Variants in C1orf198 observed in about 807,000 individuals in gnomAD.
The protein encoded by C1orf198 is uncharacterized protein C1orf198.
A neutral mutation model predicts 31.4 loss-of-function variants in C1orf198; 17 were observed. The ratio of observed to expected loss-of-function variants is 0.54; its 90% confidence interval spans 0.37 to 0.81. The LOEUF (loss-of-function observed/expected upper bound fraction) is 0.81. Ranked by LOEUF, C1orf198 falls within the 40% of genes least tolerant of loss-of-function variation. The probability of loss-of-function intolerance (pLI) is 0.00; values close to 1 mark genes in which losing one functional copy is unlikely to be tolerated. For missense variants in C1orf198, 401 were observed against 450.3 expected (o/e 0.89, Z 0.99); for synonymous variants, 175 against 193.8 (o/e 0.90, Z 0.81).
intron 2 of C1orf198, among the ~76,000 whole-genome samples, chr1:230,845,702 A>G (rs188412296): frequency 1.4e-4 from 22 of 152,314 alleles, no homozygotes; most frequent in Admixed American, 1.4e-3. Flanking sequence ...AAAGAAAAGA[A>G]AAGAACAAAG....
At position 230,868,409 on chromosome 1, in the gene C1orf198, G is replaced by C; in HGVS notation, c.104C>G (p.Ser35Trp). ...RERKRFTYFS[S>W]LSPMARKIMQ... Reference sequence around the variant, plus strand: ...GATCTTCCTGGCCATGGGGCTCAGCGACGAGAAGTAAGTGAAGCGCTTTCG... The same window carrying C: ...GATCTTCCTGGCCATGGGGCTCAGCCACGAGAAGTAAGTGAAGCGCTTTCG... The change falls in exon 1 of 4, where the codon TCG becomes TGG. Residue 35 changes from serine (S) to tryptophan (W), a missense_variant. Physicochemically the swap from Ser to Trp is radical, Grantham distance 177 (BLOSUM62 -3). Coordinates refer to ENST00000366663, the MANE Select transcript of C1orf198 (RefSeq NM_032800.3). The C allele has an allele frequency of 6.3e-7, 1 of 1,593,708 alleles. No individual in the cohort carries two copies. The highest frequency in any genetic ancestry group is 8.5e-7 in the Non-Finnish European group (1 of 1,170,676).
At chr1:230,841,394 A>C (rs1375643243) in intron 3 of C1orf198, among the ~76,000 whole-genome samples, 1 of 152,180 alleles carries the variant, frequency 6.6e-6, no homozygotes. Context: ...GAAGTACTGG[A>C]AACCTGCTCT....
chr1:230,838,171 C>G lies in C1orf198; in HGVS notation c.*1681G>C, dbSNP rs1162243956. On this transcript the variant is annotated 3_prime_UTR_variant, in exon 4 of 4. Transcript: ENST00000366663. This position sits in a 1 kb window ranked among gnomAD's most constrained non-coding sequence, Gnocchi z 4.2. ...GGAGCTGGCGCTTGCCCAGGCTGTGCCAACTGGGATTTCTAAGCTCCTTTT... is the reference window on the plus strand; with the variant it reads ...GGAGCTGGCGCTTGCCCAGGCTGTGGCAACTGGGATTTCTAAGCTCCTTTT... The G allele has an allele frequency of 6.6e-6, 1 of 152,232 alleles. No individual in the cohort carries two copies. Among genetic ancestry groups the G allele is most frequent in the Non-Finnish European group, 1.5e-5 (1 of 68,044 alleles). 9.4% of individuals were successfully genotyped at this position (152,232 alleles called of 1,614,324 possible). A position where few individuals can be genotyped will look rare whatever the true frequency, so the allele number is the denominator to read the frequency against.
intron 1 of C1orf198, among the ~76,000 whole-genome samples, chr1:230,865,851 T>G (rs1670108093): frequency 6.6e-6 from 1 of 152,238 alleles, no homozygotes; most frequent in South Asian, 2.1e-4. Context: ...TTGCATGCTC[T>G]GACTTAAAAC....
chr1:230,862,132 T>C (rs1442484255), intron 1 of C1orf198, among the ~76,000 whole-genome samples: 1 of 152,162 alleles, frequency 6.6e-6, no homozygotes, highest in Non-Finnish European at 1.5e-5. Context: ...TGGTGAGCTG[T>C]GTCGTGCCCA....
rs141020589 is a variant in C1orf198 at position 230,840,922 on chromosome 1, A to T, written c.928-1014T>A. ...TTCTGGTTTCCTTCCAGTTTCTTAA[A>T]TGCAGTGGCATTTCACTGTGCTTTA... On this transcript the variant is annotated intron_variant, in intron 3 of 3. Transcript: ENST00000366663. The surrounding 1 kb of genome is among the most constrained non-coding windows in gnomAD (Gnocchi z 4.0). Among the ~76,000 whole-genome samples, 64 of 152,312 alleles carry T rather than the reference A, an allele frequency of 4.2e-4. No homozygotes were observed. The highest frequency in any genetic ancestry group is 8.1e-4 in the Non-Finnish European group (55 of 68,016).
At chr1:230,854,581 C>G (rs1669828581) in intron 2 of C1orf198, among the ~76,000 whole-genome samples, 1 of 152,200 alleles carries the variant, frequency 6.6e-6, no homozygotes, top group Non-Finnish European at 1.5e-5. Flanking sequence ...TTAACTCTAA[C>G]ACTCATCTCA....
chr1:230,853,920 C>T (rs1466783137), intron 2 of C1orf198, among the ~76,000 whole-genome samples: 2 of 152,152 alleles, frequency 1.3e-5, no homozygotes, highest in African/African-American at 4.8e-5. Flanking sequence ...CACCTGTTTC[C>T]CACTCTGGCC....
At chr1:230,858,856 A>G (rs949618803) in intron 1 of C1orf198, among the ~76,000 whole-genome samples, 3 of 152,226 alleles carry the variant, frequency 2.0e-5, no homozygotes, top group African/African-American at 4.8e-5. Flanking sequence ...ACGAAGACTT[A>G]GCCCAGAGCT....
At position 230,857,754 on chromosome 1, in the gene C1orf198, A is replaced by C. The variant is rs1669912238; in HGVS notation, c.334-2036T>G. Among the ~76,000 whole-genome samples the C allele has an allele frequency of 6.6e-6, 1 of 152,222 alleles. No individual in the cohort carries two copies. The highest frequency in any genetic ancestry group is 2.4e-5 in the African/African-American group (1 of 41,466). On this transcript the variant is annotated intron_variant, in intron 1 of 3. Transcript: ENST00000366663. This position sits in a 1 kb window ranked among gnomAD's most constrained non-coding sequence, Gnocchi z 4.2. ...GAAAAAAAACACCACTAACAAAGAT[A>C]CTAGGTATAAATATTAAGAATTACA... is the stretch of plus-strand genomic sequence containing the variant.
rs538735252 is a variant in C1orf198, at chr1:230,844,306, G to A, written c.385-410C>T. 9.9e-5 allele frequency among the ~76,000 whole-genome samples: 15 copies of A among 152,058 alleles called. No homozygotes were observed. In the South Asian group the frequency reaches 2.9e-3, roughly 29 times the overall value. On this transcript the variant is annotated intron_variant, in intron 2 of 3. Transcript: ENST00000366663. ...ATGAGATCTGGTCGTTTAAAAGGGTGTGGCACCTCCCCCTGACTCTCTCCC... is the reference window on the plus strand; with the variant it reads ...ATGAGATCTGGTCGTTTAAAAGGGTATGGCACCTCCCCCTGACTCTCTCCC...
chr1:230,853,746 T>C (rs1361367986), intron 2 of C1orf198, among the ~76,000 whole-genome samples: 1 of 152,230 alleles, frequency 6.6e-6, no homozygotes, highest in Non-Finnish European at 1.5e-5. Flanking sequence ...GGATGCAATT[T>C]CTGATGGGTG....
At chr1:230,844,814 AC>A (rs1454477056) in intron 2 of C1orf198, among the ~76,000 whole-genome samples, 1 of 152,222 alleles carries the variant, frequency 6.6e-6, no homozygotes, top group South Asian at 2.1e-4. Flanking sequence ...CCTATGCCCC[AC>A]ATCTGAGCAC....
At position 230,857,753 on chromosome 1, in the gene C1orf198, T is replaced by C. The variant is rs1310993842; in HGVS notation, c.334-2035A>G. Among the ~76,000 whole-genome samples the C allele has an allele frequency of 6.6e-6, 1 of 152,154 alleles. No individual in the cohort carries two copies. The highest frequency in any genetic ancestry group is 2.4e-5 in the African/African-American group (1 of 41,428). ...GGAAAAAAAACACCACTAACAAAGA[T>C]ACTAGGTATAAATATTAAGAATTAC... On this transcript the variant is annotated intron_variant, in intron 1 of 3. Coordinates refer to ENST00000366663, the MANE Select transcript of C1orf198 (RefSeq NM_032800.3). The surrounding 1 kb of genome is among the most constrained non-coding windows in gnomAD (Gnocchi z 4.2).
intron 1 of C1orf198, among the ~76,000 whole-genome samples, chr1:230,859,242 T>C (rs1171069637): frequency 6.6e-6 from 1 of 152,128 alleles, no homozygotes; most frequent in Non-Finnish European, 1.5e-5. Flanking sequence ...ACGCATACAA[T>C]GCTGTCCTTT....
At chr1:230,868,635 G>GGGTCTCCAAGCCAACCCA (rs1670184664), upstream of C1orf198, 1 of 750,534 alleles carries the variant, frequency 1.3e-6, no homozygotes. Context: ...CCGCGTACCC[G>GGGTCTCCAAGCCAACCCA]GGTCTCCAAG....
Position 230,839,717 on chromosome 1 carries a change from A to T in C1orf198, c.*135T>A. ...AGAAAAAAATCTGGCAATATTGACC[A>T]GTTTCCAAATGATTAAGAAAAGAGT... On this transcript the variant is annotated 3_prime_UTR_variant, in exon 4 of 4. Transcript: ENST00000366663. 1.3e-6 allele frequency: 1 copy of T among 742,952 alleles called. No individual in the cohort carries two copies. Among genetic ancestry groups the T allele is most frequent in the South Asian group, 1.8e-5 (1 of 54,282 alleles). 46.0% of individuals were successfully genotyped at this position (742,952 alleles called of 1,614,324 possible). A position where few individuals can be genotyped will look rare whatever the true frequency, so the allele number is the denominator to read the frequency against.
chr1:230,862,284 A>C (rs992954340), intron 1 of C1orf198, among the ~76,000 whole-genome samples: 1 of 152,256 alleles, frequency 6.6e-6, no homozygotes, highest in Non-Finnish European at 1.5e-5. Flanking sequence ...CCACAGCTCC[A>C]TGCACAACTG....
Position 230,837,917 on chromosome 1 carries a change from G to A in C1orf198, c.*1935C>T, listed in dbSNP as rs1025362135. 6.6e-5 allele frequency: 10 copies of A among 152,204 alleles called. No homozygotes were observed. The highest frequency in any genetic ancestry group is 2.4e-4 in the African/African-American group (10 of 41,456). The allele number at this position is 152,204 out of a possible 1,614,324, so 9.4% of individuals were successfully genotyped here. On this transcript the variant is annotated 3_prime_UTR_variant, in exon 4 of 4. Transcript: ENST00000366663. Reference sequence around the variant, plus strand: ...GGAATATTGGGCTTGTTGAGAAAGTGGGAAAGAAATTAGAATTTCTCCCAA... The same window carrying A: ...GGAATATTGGGCTTGTTGAGAAAGTAGGAAAGAAATTAGAATTTCTCCCAA...
Sources: gnomAD v4.1 joint callset for allele counts (sites outside exome capture counted in the v4.1 genomes callset) on GRCh38, gnomAD v4.1.1 for gene constraint, Gnocchi (gnomAD v3.1) non-coding constraint, MANE v1.5 for transcripts, NCBI Gene and HGNC (gene_info 2026-07-23, HGNC 2026-07-21) for gene names.